Variants in STPG2 observed in about 807,000 individuals in gnomAD.
The protein encoded by STPG2 is sperm tail PG-rich repeat containing 2.
In STPG2, 56 loss-of-function variants were observed where a neutral mutation model predicts 54.2. That is an observed-to-expected ratio of 1.03 (90% CI 0.83 to 1.29). The LOEUF (loss-of-function observed/expected upper bound fraction) is 1.29. STPG2 is among the 50% of genes most tolerant of loss of function. STPG2 has a pLI of 0.00. For synonymous variants in STPG2, 200 were observed against 181.8 expected (o/e 1.10, Z -0.81); for missense variants, 596 against 544.9 (o/e 1.09, Z -0.93).
chr4:97,898,476 T>A (rs1472976043), intron 8 of STPG2, among the ~76,000 whole-genome samples: 1 of 151,764 alleles, frequency 6.6e-6, no homozygotes, highest in Non-Finnish European at 1.5e-5. Context: ...GAATATTTAA[T>A]CATAAAATCT....
chr4:97,991,360 G>T (rs765836717), intron 5 of STPG2, among the ~76,000 whole-genome samples: 1 of 150,316 alleles, frequency 6.7e-6, no homozygotes, highest in Non-Finnish European at 1.5e-5. Context: ...ATATGTGTGT[G>T]TGGTGTATAT....
chr4:97,515,810 G>C (rs1255598728), intron 4 of STPG2, among the ~76,000 whole-genome samples: 3 of 151,824 alleles, frequency 2.0e-5, no homozygotes, highest in Non-Finnish European at 1.5e-5. Context: ...GTGTGTATGT[G>C]TGTGTGTATA....
chr4:97,583,417 CT>C (rs1219948236), intron 10 of STPG2, among the ~76,000 whole-genome samples: 3 of 151,976 alleles, frequency 2.0e-5, no homozygotes, highest in African/African-American at 7.2e-5. Flanking sequence ...TTAACAGAAC[CT>C]TTAAAAATTA....
At chr4:97,740,997 T>C (rs1487522727) in intron 9 of STPG2, among the ~76,000 whole-genome samples, 1 of 152,138 alleles carries the variant, frequency 6.6e-6, no homozygotes, top group African/African-American at 2.4e-5. Context: ...AACAGCATGG[T>C]ACTGGTACCA....
At chr4:97,987,605 C>G (rs1233837775) in intron 5 of STPG2, among the ~76,000 whole-genome samples, 3 of 151,810 alleles carry the variant, frequency 2.0e-5, no homozygotes, top group Non-Finnish European at 4.4e-5. Flanking sequence ...TGATAAGTAC[C>G]TTTTATACTT....
chr4:98,024,637 C>G (rs1228155461), intron 5 of STPG2, among the ~76,000 whole-genome samples: 1 of 152,186 alleles, frequency 6.6e-6, no homozygotes, highest in African/African-American at 2.4e-5. Context: ...AGTATCTACA[C>G]ATTTTTGTAC....
chr4:97,721,866 C>A (rs1172716342), intron 9 of STPG2, among the ~76,000 whole-genome samples: 1 of 151,998 alleles, frequency 6.6e-6, no homozygotes, highest in East Asian at 1.9e-4. Context: ...CAACCAATAT[C>A]AAAATACTCT....
At chr4:97,893,449 T>G (rs1182042723) in intron 8 of STPG2, among the ~76,000 whole-genome samples, 2 of 152,070 alleles carry the variant, frequency 1.3e-5, no homozygotes, top group Non-Finnish European at 2.9e-5. Context: ...TCGTTTAAAA[T>G]AATTCCAGGG....
chr4:97,972,358 T>C lies in STPG2; in HGVS notation c.855A>G (p.Ala285=), dbSNP rs1734358698. ...AAGTCCGAGGAACAGAAGAACCAAA[T>C]GCACTTTTCTTCTGTTTCTTTGAGC... The part of the protein sequence containing the change: ...NICSKKQKKS[A]FGSSVPRTFF... Residue 285 remains alanine, a synonymous_variant, in exon 7 of 11, where the codon GCA becomes GCG. Coordinates refer to ENST00000295268, the MANE Select transcript of STPG2 (RefSeq NM_174952.3). 6.2e-7 allele frequency: 1 copy of C among 1,610,536 alleles called. No homozygotes were observed. Among genetic ancestry groups the C allele is most frequent in the Non-Finnish European group, 8.5e-7 (1 of 1,177,548 alleles).
At chr4:97,701,568 C>T (rs1208960705) in intron 10 of STPG2, among the ~76,000 whole-genome samples, 2 of 152,176 alleles carry the variant, frequency 1.3e-5, no homozygotes, top group African/African-American at 4.8e-5. Context: ...CCAGCCTCCC[C>T]ATCATTCAAG....
At chr4:97,670,970 C>T (rs1316736588) in intron 10 of STPG2, among the ~76,000 whole-genome samples, 1 of 152,150 alleles carries the variant, frequency 6.6e-6, no homozygotes, top group Non-Finnish European at 1.5e-5. Flanking sequence ...GCACCTGTAT[C>T]CCACTGCACT....
chr4:97,574,025 G>C (rs1005930103), intron 10 of STPG2, among the ~76,000 whole-genome samples: 2 of 151,996 alleles, frequency 1.3e-5, no homozygotes, highest in Non-Finnish European at 1.5e-5. Context: ...GTTTTCTTAC[G>C]GATCTGAAGA....
At chr4:98,078,241 G>A (rs926724688) in intron 5 of STPG2, among the ~76,000 whole-genome samples, 4 of 151,868 alleles carry the variant, frequency 2.6e-5, no homozygotes, top group African/African-American at 9.7e-5. Flanking sequence ...AAGGAAATCT[G>A]GTCCTTTGTT....
intron 10 of STPG2, among the ~76,000 whole-genome samples, chr4:97,686,415 T>A (rs1723190524): frequency 6.6e-6 from 1 of 152,170 alleles, no homozygotes; most frequent in African/African-American, 2.4e-5. Flanking sequence ...TGTTGTGGCT[T>A]AGCCATTTCA....
intron 8 of STPG2, among the ~76,000 whole-genome samples, chr4:97,899,808 A>G (rs1731105968): frequency 6.6e-6 from 1 of 152,094 alleles, no homozygotes; most frequent in Admixed American, 6.6e-5. Flanking sequence ...TATACCATAT[A>G]CAAAAATCAG....
intron 5 of STPG2, among the ~76,000 whole-genome samples, chr4:98,030,169 T>C (rs978926085): frequency 9.2e-5 from 14 of 152,220 alleles, no homozygotes; most frequent in Non-Finnish European, 2.1e-4. Flanking sequence ...TACCAGACTA[T>C]GTTGTTTTGC....
intron 4 of STPG2, among the ~76,000 whole-genome samples, chr4:97,553,090 G>A (rs1192658735): frequency 6.6e-6 from 1 of 152,096 alleles, no homozygotes; most frequent in African/African-American, 2.4e-5. Context: ...TAGTTCTCAA[G>A]TACATCTCTA....
intron 9 of STPG2, among the ~76,000 whole-genome samples, chr4:97,748,255 T>C (rs1725480002): frequency 6.6e-6 from 1 of 151,534 alleles, no homozygotes. Flanking sequence ...TCTTCAAAAA[T>C]ACAAATGTTA....
chr4:97,703,627 ATT>A (rs1723850624), intron 10 of STPG2, among the ~76,000 whole-genome samples: 2 of 139,440 alleles, frequency 1.4e-5, no homozygotes, highest in South Asian at 2.1e-4. Flanking sequence ...TACTATATAT[ATT>A]ATATATATAA....
Sources: gnomAD v4.1 joint callset for allele counts (sites outside exome capture counted in the v4.1 genomes callset) on GRCh38, gnomAD v4.1.1 for gene constraint, MANE v1.5 for transcripts, NCBI Gene and HGNC (gene_info 2026-07-23, HGNC 2026-07-21) for gene names.